FOXO3: variants seen among roughly 807,000 people sequenced by gnomAD.
The protein encoded by FOXO3 is forkhead box O3, also known as forkhead box protein O3.
A neutral mutation model predicts 41.9 loss-of-function variants in FOXO3; 4 were observed. That is an observed-to-expected ratio of 0.10 (90% CI 0.05 to 0.22). FOXO3 has a LOEUF of 0.22. FOXO3 is among the 10% of genes least tolerant of loss of function. The probability of loss-of-function intolerance (pLI) is 1.00; values close to 1 mark genes in which losing one functional copy is unlikely to be tolerated. For missense variants in FOXO3, 534 were observed against 906.8 expected (o/e 0.59, Z 5.28); for synonymous variants, 318 against 389.3 (o/e 0.82, Z 2.16).
intron 1 of FOXO3, among the ~76,000 whole-genome samples, chr6:108,618,961 C>G (rs926625327): frequency 3.3e-5 from 5 of 152,192 alleles, no homozygotes; most frequent in African/African-American, 1.2e-4. Context: ...GGCTTGGACA[C>G]TACCTCCTGG....
At chr6:108,576,243 A>G (rs778499064) in intron 1 of FOXO3, among the ~76,000 whole-genome samples, 2 of 152,194 alleles carry the variant, frequency 1.3e-5, no homozygotes, top group African/African-American at 2.4e-5. Context: ...TCCCCTTACA[A>G]GAAAGATCCT....
At chr6:108,600,546 CAAAAAAAAAAAAA>C (rs56888212) in intron 1 of FOXO3, among the ~76,000 whole-genome samples, 6 of 47,744 alleles carry the variant, frequency 1.3e-4, no homozygotes, top group African/African-American at 2.2e-4. Flanking sequence ...GTCTCCATCT[CAAAAAAAAAAAAA>C]AAAAAAAAAA....
At chr6:108,665,007 G>A in intron 2 of FOXO3, 118 bp downstream of exon 2, 1 of 1,128,112 alleles carries the variant, frequency 8.9e-7, no homozygotes, top group Non-Finnish European at 1.2e-6. Flanking sequence ...ATGGAGCAGT[G>A]GTGCACATAA....
intron 1 of FOXO3, among the ~76,000 whole-genome samples, chr6:108,568,029 C>G (rs546967529): frequency 6.7e-6 from 1 of 150,196 alleles, no homozygotes; most frequent in Admixed American, 6.6e-5. Context: ...GCCTGGGTAA[C>G]AAGAGCGAAA....
At chr6:108,658,011 T>C (rs1199856795) in intron 1 of FOXO3, among the ~76,000 whole-genome samples, 2 of 152,146 alleles carry the variant, frequency 1.3e-5, no homozygotes, top group African/African-American at 4.8e-5. Flanking sequence ...GGCTCTTACA[T>C]GTGAGTTTCT....
intron 1 of FOXO3, among the ~76,000 whole-genome samples, chr6:108,611,866 G>T (rs914896081): frequency 6.6e-6 from 1 of 151,856 alleles, no homozygotes; most frequent in Non-Finnish European, 1.5e-5. Flanking sequence ...CTAAGTTTTA[G>T]CTCTTAAATT....
At chr6:108,651,059 C>T (rs912614690) in intron 1 of FOXO3, among the ~76,000 whole-genome samples, 7 of 152,188 alleles carry the variant, frequency 4.6e-5, no homozygotes, top group Non-Finnish European at 1.0e-4. Context: ...GGCAGTCCCT[C>T]GGGAGGCTCC....
intron 1 of FOXO3, among the ~76,000 whole-genome samples, chr6:108,587,461 T>G (rs1037734596): frequency 6.6e-6 from 1 of 152,176 alleles, no homozygotes; most frequent in Non-Finnish European, 1.5e-5. Flanking sequence ...AGTGGAAATT[T>G]TGTGTGCCCA....
At chr6:108,600,899 A>G (rs1401049785) in intron 1 of FOXO3, among the ~76,000 whole-genome samples, 1 of 152,230 alleles carries the variant, frequency 6.6e-6, no homozygotes, top group Non-Finnish European at 1.5e-5. Flanking sequence ...ACCATTATCT[A>G]GTTCCCCTTG....
chr6:108,579,997 CT>C (rs1249465557), intron 1 of FOXO3, among the ~76,000 whole-genome samples: 1 of 152,064 alleles, frequency 6.6e-6, no homozygotes, highest in Non-Finnish European at 1.5e-5. Context: ...TAATTCCTCC[CT>C]GCCCAAAAGG....
intron 1 of FOXO3, among the ~76,000 whole-genome samples, chr6:108,606,371 T>C (rs1366271005): frequency 1.3e-5 from 2 of 152,178 alleles, no homozygotes; most frequent in African/African-American, 4.8e-5. Flanking sequence ...GTCTGTCTGG[T>C]AGGGCGGTGT....
At chr6:108,597,425 A>C (rs1425979051) in intron 1 of FOXO3, among the ~76,000 whole-genome samples, 2 of 152,226 alleles carry the variant, frequency 1.3e-5, no homozygotes, top group Non-Finnish European at 2.9e-5. Flanking sequence ...GAGGATGCTC[A>C]TTTAAGAGAA....
chr6:108,569,499 C>T (rs934953518), intron 1 of FOXO3, among the ~76,000 whole-genome samples: 7 of 152,212 alleles, frequency 4.6e-5, no homozygotes, highest in Admixed American at 2.0e-4. Flanking sequence ...TTCTATAATT[C>T]GCTTGTTCCA....
intron 1 of FOXO3, among the ~76,000 whole-genome samples, chr6:108,562,139 AGGAGGTAG>A (rs1158711877): frequency 6.6e-6 from 1 of 151,876 alleles, no homozygotes; most frequent in Non-Finnish European, 1.5e-5. Flanking sequence ...GACAGCACCG[AGGAGGTAG>A]GTCCGCAGCC....
intron 1 of FOXO3, among the ~76,000 whole-genome samples, chr6:108,576,183 A>G (rs2883881): frequency 0.13 from 19,577 of 152,214 alleles, 1,460 homozygotes; most frequent in South Asian, 0.27. Flanking sequence ...TTGAATAGAC[A>G]CATGTCCTCT....
chr6:108,597,179 A>G (rs903843216), intron 1 of FOXO3, among the ~76,000 whole-genome samples: 48 of 152,334 alleles, frequency 3.2e-4, no homozygotes, highest in African/African-American at 1.1e-3. Flanking sequence ...TATGTTAGAG[A>G]CACATCAGCT....
chr6:108,679,150 C>T (rs954348072), intron 2 of FOXO3, among the ~76,000 whole-genome samples: 1 of 152,036 alleles, frequency 6.6e-6, no homozygotes, highest in East Asian at 1.9e-4. Flanking sequence ...GGATTACAGG[C>T]GTGAGCCACT....
Position 108,651,186 on chromosome 6 carries a change from A to G in FOXO3, c.622-12269A>G, listed in dbSNP as rs142111430. 7.1e-4 allele frequency among the ~76,000 whole-genome samples: 108 copies of G among 152,296 alleles called. 1 individual carries two copies. The South Asian group carries it at 8.7e-3, about 12-fold the overall frequency. ...ATTTCCGTACAGAAAATATACATCA[A>G]TTGTTTTGTTTGCAGTAGCCAACAT... On this transcript the variant is annotated intron_variant, in intron 1 of 2. Transcript: ENST00000406360.
chr6:108,600,257 T>C (rs1435322671), intron 1 of FOXO3, among the ~76,000 whole-genome samples: 1 of 152,044 alleles, frequency 6.6e-6, no homozygotes, highest in Non-Finnish European at 1.5e-5. Context: ...TATAAAACTA[T>C]GTGTGGGCCA....
Sources: allele counts gnomAD v4.1 joint callset (sites outside exome capture counted in the v4.1 genomes callset), GRCh38; gene constraint gnomAD v4.1.1; transcripts MANE v1.5; gene names NCBI Gene and HGNC (gene_info 2026-07-23, HGNC 2026-07-21).